Variants in GRM5 observed in about 807,000 individuals in gnomAD.
The protein encoded by GRM5 is metabotropic glutamate receptor 5.
In GRM5, 19 loss-of-function variants were observed where a neutral mutation model predicts 83.1. That is an observed-to-expected ratio of 0.23 (90% confidence interval 0.16 to 0.34). The LOEUF (loss-of-function observed/expected upper bound fraction) is 0.34. GRM5 is among the 10% of genes least tolerant of loss of function. GRM5 has a pLI of 1.00. For synonymous variants in GRM5, 675 were observed against 633.6 expected, an observed-to-expected ratio of 1.07 and a Z score of -0.98; for missense variants, 1,160 against 1,588.3, an observed-to-expected ratio of 0.73 and a Z score of 4.58.
intron 2 of GRM5, among the ~76,000 whole-genome samples, chr11:88,985,911 T>C (rs750771912): frequency 1.1e-4 from 17 of 152,170 alleles, no homozygotes; most frequent in Non-Finnish European, 1.6e-4. Context: ...TTGCTGATAG[T>C]AGTATAAAAT....
chr11:88,795,546 C>G (rs866199281), intron 3 of GRM5, among the ~76,000 whole-genome samples: 13 of 152,140 alleles, frequency 8.5e-5, no homozygotes, highest in Non-Finnish European at 1.3e-4. Context: ...TTAGAAATAA[C>G]TAATTACTGT....
intron 3 of GRM5, among the ~76,000 whole-genome samples, chr11:88,809,837 T>C (rs1943560159): frequency 6.6e-6 from 1 of 151,920 alleles, no homozygotes; most frequent in Admixed American, 6.6e-5. Flanking sequence ...AAATATCAAA[T>C]ATCTGTTAAA....
chr11:88,775,605 C>T (rs1471180418), intron 3 of GRM5, among the ~76,000 whole-genome samples: 1 of 152,200 alleles, frequency 6.6e-6, no homozygotes, highest in Non-Finnish European at 1.5e-5. Context: ...CTACATACTG[C>T]ATTAAATGTG....
At chr11:88,988,195 G>C (rs1273014176) in intron 2 of GRM5, among the ~76,000 whole-genome samples, 1 of 151,940 alleles carries the variant, frequency 6.6e-6, no homozygotes, top group African/African-American at 2.4e-5. Context: ...ACCAAGGCTC[G>C]AGAACTACGC....
At chr11:88,643,901 T>C (rs1939367882) in intron 4 of GRM5, among the ~76,000 whole-genome samples, 1 of 152,294 alleles carries the variant, frequency 6.6e-6, no homozygotes, top group South Asian at 2.1e-4. Context: ...GGAAGTATCC[T>C]CTAACAACCC....
chr11:88,684,185 G>A (rs1940564188), intron 3 of GRM5, among the ~76,000 whole-genome samples: 1 of 152,198 alleles, frequency 6.6e-6, no homozygotes, highest in African/African-American at 2.4e-5. Context: ...AGGGAGACTA[G>A]TAAGAGATTA....
chr11:88,972,486 G>A (rs1939197172), intron 2 of GRM5, among the ~76,000 whole-genome samples: 1 of 151,946 alleles, frequency 6.6e-6, no homozygotes, highest in South Asian at 2.1e-4. Flanking sequence ...AATATTTTGA[G>A]TAAAATAAGA....
At chr11:88,624,717 G>A (rs1319448516) in intron 4 of GRM5, among the ~76,000 whole-genome samples, 1 of 152,094 alleles carries the variant, frequency 6.6e-6, no homozygotes, top group Non-Finnish European at 1.5e-5. Context: ...GGCATCAAGG[G>A]AACCCTTATT....
chr11:88,868,174 T>C (rs1316979787), intron 2 of GRM5, among the ~76,000 whole-genome samples: 7 of 151,860 alleles, frequency 4.6e-5, no homozygotes, highest in African/African-American at 1.7e-4. Context: ...GGATAGACAC[T>C]CAACAAAATT....
chr11:88,966,286 CT>C (rs1470992874), intron 2 of GRM5, among the ~76,000 whole-genome samples: 1 of 151,770 alleles, frequency 6.6e-6, no homozygotes, highest in Non-Finnish European at 1.5e-5. Context: ...GAATAAAGAC[CT>C]TAAATCAATA....
At chr11:88,959,241 A>G (rs1359246143) in intron 2 of GRM5, among the ~76,000 whole-genome samples, 2 of 152,130 alleles carry the variant, frequency 1.3e-5, no homozygotes, top group African/African-American at 2.4e-5. Context: ...TGAAAATACA[A>G]ATGTTAAGAT....
chr11:88,871,659 C>T (rs1016937478), intron 2 of GRM5, among the ~76,000 whole-genome samples: 18 of 151,330 alleles, frequency 1.2e-4, no homozygotes, highest in African/African-American at 3.9e-4. Context: ...TCCATCTAAG[C>T]CAGGTAAATC....
intron 2 of GRM5, among the ~76,000 whole-genome samples, chr11:88,909,325 T>C (rs1288493728): frequency 6.6e-6 from 1 of 152,110 alleles, no homozygotes; most frequent in Non-Finnish European, 1.5e-5. Context: ...CTTACTCATA[T>C]ACTTCCTCGC....
At chr11:88,789,011 G>A (rs1342130599) in intron 3 of GRM5, among the ~76,000 whole-genome samples, 1 of 152,114 alleles carries the variant, frequency 6.6e-6, no homozygotes, top group Non-Finnish European at 1.5e-5. Context: ...CTTAAGGAAG[G>A]TGAGTAATCC....
intron 2 of GRM5, among the ~76,000 whole-genome samples, chr11:88,957,144 G>C (rs768320792): frequency 2.0e-5 from 3 of 152,188 alleles, no homozygotes; most frequent in Non-Finnish European, 2.9e-5. Flanking sequence ...TCTCAGAGGA[G>C]GATTGTTGAA....
intron 1 of GRM5, among the ~76,000 whole-genome samples, chr11:89,058,199 C>T (rs938001409): frequency 1.3e-5 from 2 of 152,152 alleles, no homozygotes; most frequent in Non-Finnish European, 2.9e-5. Flanking sequence ...AGAAAGCATA[C>T]AAACAAATCA....
At chr11:88,731,619 G>T (rs928501459) in intron 3 of GRM5, among the ~76,000 whole-genome samples, 6 of 151,908 alleles carry the variant, frequency 3.9e-5, no homozygotes, top group African/African-American at 1.5e-4. Context: ...CATTATTGAT[G>T]GGATTTTGTT....
At chr11:88,840,923 G>A (rs1265113416) in intron 3 of GRM5, among the ~76,000 whole-genome samples, 4 of 152,186 alleles carry the variant, frequency 2.6e-5, no homozygotes, top group Non-Finnish European at 5.9e-5. Context: ...GGGACAAAGT[G>A]CCGATGGAAA....
rs1487992854 is a variant in GRM5, at chr11:88,901,852, A to C, written c.662-51697T>G. 3.9e-5 allele frequency among the ~76,000 whole-genome samples: 6 copies of C among 152,288 alleles called. No homozygotes were observed. The East Asian group carries it at 1.2e-3, about 29-fold the overall frequency. On this transcript the variant is annotated intron_variant, in intron 2 of 9. Coordinates refer to ENST00000305447, the MANE Select transcript of GRM5 (RefSeq NM_001143831.3). ...CGATACCTTTTCCGAATGCATCTCA[A>C]ACTTAGGGCTAAAAAGCCAAATGCT... is the stretch of plus-strand genomic sequence containing the variant.
Sources: gnomAD v4.1 joint callset for allele counts (sites outside exome capture counted in the v4.1 genomes callset) on GRCh38, gnomAD v4.1.1 for gene constraint, MANE v1.5 for transcripts, NCBI Gene and HGNC (gene_info 2026-07-23, HGNC 2026-07-21) for gene names.